Variants in MAST4 observed in about 807,000 individuals in gnomAD.
MAST4 encodes the protein microtubule-associated serine/threonine-protein kinase 4.
A neutral mutation model predicts 162.7 loss-of-function variants in MAST4; 89 were observed. The observed-to-expected ratio is 0.55, with a 90% confidence interval of 0.46 to 0.65. MAST4 has a LOEUF of 0.65. Ranked by LOEUF, MAST4 falls within the 30% of genes least tolerant of loss-of-function variation. The pLI, the probability that MAST4 is intolerant of heterozygous loss-of-function variation, is 0.00. For missense variants in MAST4, 3,153 were observed against 3,374.0 expected, an observed-to-expected ratio of 0.93 and a Z score of 1.62; for synonymous variants, 1,479 against 1,361.1, an observed-to-expected ratio of 1.09 and a Z score of -1.91.
Position 66,929,603 on chromosome 5 carries a change from G to A in MAST4, c.674+29621G>A, listed in dbSNP as rs138064549. Among the ~76,000 whole-genome samples, 1,034 of 152,252 alleles carry A rather than the reference G, an allele frequency of 6.8e-3. 14 individuals carry two copies. Among genetic ancestry groups the A allele is most frequent in the African/African-American group, 0.024 (990 of 41,546 alleles). On this transcript the variant is annotated intron_variant, in intron 4 of 28. Transcript: ENST00000403625. Reference sequence around the variant, plus strand: ...TTTTGTCAGGATGGTAATGTTTTCAGCTAAAAGGATATACTTATCAGCCTC... The same window carrying A: ...TTTTGTCAGGATGGTAATGTTTTCAACTAAAAGGATATACTTATCAGCCTC...
intron 4 of MAST4, among the ~76,000 whole-genome samples, chr5:67,036,106 G>T (rs900742446): frequency 6.6e-6 from 1 of 152,088 alleles, no homozygotes; most frequent in African/African-American, 2.4e-5. Flanking sequence ...GGCCCAGGAG[G>T]CCAGACTCTG....
At chr5:66,718,813 T>C (rs1226018501) in intron 1 of MAST4, among the ~76,000 whole-genome samples, 1 of 152,244 alleles carries the variant, frequency 6.6e-6, no homozygotes, top group East Asian at 1.9e-4. Context: ...CCTCTCGAGC[T>C]ATTCCATTTC....
chr5:67,065,617 A>G (rs980861027), intron 5 of MAST4, among the ~76,000 whole-genome samples: 2 of 152,254 alleles, frequency 1.3e-5, no homozygotes, highest in Non-Finnish European at 2.9e-5. Context: ...TGTACCCATC[A>G]GGCAACCAGT....
chr5:66,884,917 G>A lies in MAST4; in HGVS notation c.643-15034G>A, dbSNP rs374041116. 1.1e-3 allele frequency among the ~76,000 whole-genome samples: 168 copies of A among 152,250 alleles called. No homozygotes were observed. The South Asian group carries it at 0.016, about 14-fold the overall frequency. ...TGAAAGGAAGGGCACAGTTAATAAC[G>A]TCTTCCCCCATATACCTCTGGGCAT... On this transcript the variant is annotated intron_variant, in intron 3 of 28. Transcript: ENST00000403625.
chr5:66,677,880 A>G (rs1580172401), intron 1 of MAST4, among the ~76,000 whole-genome samples: 1 of 152,162 alleles, frequency 6.6e-6, no homozygotes, highest in Admixed American at 6.5e-5. Flanking sequence ...GCTCTCTATC[A>G]GAATTGCCCG....
intron 5 of MAST4, among the ~76,000 whole-genome samples, chr5:67,073,962 AGATT>A (rs1761277331): frequency 6.6e-6 from 1 of 152,166 alleles, no homozygotes; most frequent in Non-Finnish European, 1.5e-5. Flanking sequence ...TAAAAGGAAA[AGATT>A]GATAATAGAA....
intron 5 of MAST4, among the ~76,000 whole-genome samples, chr5:67,061,136 A>T (rs899225050): frequency 4.7e-5 from 7 of 149,514 alleles, no homozygotes. Flanking sequence ...TGTATTCTTC[A>T]GTCTTTTTTC....
intron 4 of MAST4, among the ~76,000 whole-genome samples, chr5:66,994,819 A>C (rs1750449003): frequency 6.6e-6 from 1 of 152,160 alleles, no homozygotes; most frequent in Admixed American, 6.5e-5. Flanking sequence ...GAAGAGCATT[A>C]TTTTTATTAT....
At chr5:66,759,996 T>C (rs1162333596) in intron 2 of MAST4, 134 bp downstream of exon 2, 12 of 875,736 alleles carry the variant, frequency 1.4e-5, no homozygotes, top group Non-Finnish European at 1.7e-5. Context: ...AAAAATCTTA[T>C]CTAATCCAGA....
chr5:66,900,133 G>A lies in MAST4; in HGVS notation c.674+151G>A, dbSNP rs181551431. Reference sequence around the variant, plus strand: ...TGAATTTATTTATAAAAGTCAAACAGTAGTAATGATTTCATAATTTCCAGG... The same window carrying A: ...TGAATTTATTTATAAAAGTCAAACAATAGTAATGATTTCATAATTTCCAGG... On this transcript the variant is annotated intron_variant, in intron 4 of 28. Transcript: ENST00000403625. Among the ~76,000 whole-genome samples the A allele has an allele frequency of 1.7e-3, 253 of 152,212 alleles. 2 individuals are homozygous for A. The highest frequency in any genetic ancestry group is 5.8e-3 in the African/African-American group (243 of 41,564).
In MAST4 at chr5:66,804,458, C is replaced by T. The variant is rs76324860; in HGVS notation, c.642+15664C>T. 8.7e-3 allele frequency among the ~76,000 whole-genome samples: 1,331 copies of T among 152,228 alleles called. 8 individuals carry two copies. The highest frequency in any genetic ancestry group is 0.017 in the Middle Eastern group (5 of 294). ...TTCCCGTGGGACCCAGGTGGAAGGG[C>T]AGCACTTATCTGTGGTAAGTTCTTC... On this transcript the variant is annotated intron_variant, in intron 3 of 28. Transcript: ENST00000403625.
chr5:66,885,233 A>G (rs752698751), intron 3 of MAST4, among the ~76,000 whole-genome samples: 1 of 152,222 alleles, frequency 6.6e-6, no homozygotes, highest in Admixed American at 6.5e-5. Context: ...ATAGACTGCA[A>G]CAGGAGGTCA....
intron 3 of MAST4, among the ~76,000 whole-genome samples, chr5:66,831,302 G>A (rs987670715): frequency 1.3e-4 from 20 of 152,102 alleles, no homozygotes; most frequent in Non-Finnish European, 1.6e-4. Flanking sequence ...ATTATGACAG[G>A]CTAATATAGG....
In MAST4 at chr5:66,792,007, C is replaced by T. The variant is rs370637033; in HGVS notation, c.642+3213C>T. On this transcript the variant is annotated intron_variant, in intron 3 of 28. Coordinates refer to ENST00000403625, the MANE Select transcript of MAST4 (RefSeq NM_001164664.2). Reference sequence around the variant, plus strand: ...CTTTCCTGCTTTTGGTACCACTTGTCGAACCACACAGCTAAAGGGGCATTA... The same window carrying T: ...CTTTCCTGCTTTTGGTACCACTTGTTGAACCACACAGCTAAAGGGGCATTA... Among the ~76,000 whole-genome samples the T allele has an allele frequency of 1.5e-3, 231 of 152,234 alleles. 1 individual carries two copies. Among genetic ancestry groups the T allele is most frequent in the African/African-American group, 5.3e-3 (220 of 41,530 alleles).
At chr5:67,078,765 AATAT>A (rs368579105) in intron 5 of MAST4, among the ~76,000 whole-genome samples, 1 of 117,306 alleles carries the variant, frequency 8.5e-6, no homozygotes, top group African/African-American at 3.9e-5. Flanking sequence ...TATTTATCTA[AATAT>A]ATATATTTAT....
At chr5:66,706,032 A>T (rs906558103) in intron 1 of MAST4, among the ~76,000 whole-genome samples, 4 of 152,198 alleles carry the variant, frequency 2.6e-5, no homozygotes, top group African/African-American at 9.6e-5. Context: ...CAGGTTCTCT[A>T]TGCTGCTTTG....
intron 21 of MAST4, chr5:67,143,072 G>C (rs538503362): frequency 1.3e-5 from 2 of 152,356 alleles, no homozygotes; most frequent in Non-Finnish European, 2.9e-5. Flanking sequence ...AAAGGAGAAG[G>C]CTCAGTCCTT....
intron 4 of MAST4, among the ~76,000 whole-genome samples, chr5:66,958,120 T>TC (rs1745542691): frequency 6.6e-6 from 1 of 151,418 alleles, no homozygotes; most frequent in South Asian, 2.1e-4. Context: ...TCTCTCTCTC[T>TC]TTGTGTGTGT....
intron 3 of MAST4, among the ~76,000 whole-genome samples, chr5:66,794,972 G>A (rs1482594350): frequency 6.6e-6 from 1 of 152,158 alleles, no homozygotes; most frequent in Non-Finnish European, 1.5e-5. Context: ...ATGCAAAAGT[G>A]TATTTTTCCT....
Sources: allele counts gnomAD v4.1 joint callset (sites outside exome capture counted in the v4.1 genomes callset), GRCh38; gene constraint gnomAD v4.1.1; transcripts MANE v1.5; gene names NCBI Gene and HGNC (gene_info 2026-07-23, HGNC 2026-07-21).